The following PCDHA3 variants were observed in gnomAD, a reference collection of about 807,000 sequenced individuals.
PCDHA3 encodes the protein protocadherin alpha 3.
In PCDHA3, 41 loss-of-function variants were observed where a neutral mutation model predicts 62.2. The observed-to-expected ratio is 0.66, with a 90% confidence interval of 0.51 to 0.86. The LOEUF (loss-of-function observed/expected upper bound fraction) is 0.86, where lower values mean the gene tolerates loss of function less well. PCDHA3 is among the 40% of genes least tolerant of loss of function. The pLI is 0.00. For missense variants in PCDHA3, 1,304 were observed against 1,241.2 expected (o/e 1.05, Z -0.76); for synonymous variants, 640 against 555.4 (o/e 1.15, Z -2.14).
At chr5:140,957,398 TTTA>T (rs2095356378) in intron 1 of PCDHA3, among the ~76,000 whole-genome samples, 1 of 152,304 alleles carries the variant, frequency 6.6e-6, no homozygotes, top group South Asian at 2.1e-4. Context: ...ATTGTCCTAA[TTTA>T]TTATTATTGT....
At chr5:140,935,232 A>G (rs2090253350) in intron 1 of PCDHA3, among the ~76,000 whole-genome samples, 1 of 152,110 alleles carries the variant, frequency 6.6e-6, no homozygotes, top group African/African-American at 2.4e-5. Context: ...AGGGATGTCT[A>G]TTTTTTAAAA....
intron 3 of PCDHA3, among the ~76,000 whole-genome samples, chr5:141,004,659 G>C (rs1012907350): frequency 1.3e-5 from 2 of 152,182 alleles, no homozygotes; most frequent in Admixed American, 1.3e-4. Context: ...GGCTCTGAGG[G>C]CAACTAAAGG....
Position 140,856,334 on chromosome 5 carries a change from G to C in PCDHA3, c.2394+52743G>C, listed in dbSNP as rs1262477114. 11 of 1,598,498 alleles carry C rather than the reference G, an allele frequency of 6.9e-6. 1 individual carries two copies. The Admixed American group carries it at 1.3e-4, about 20-fold the overall frequency. On this transcript the variant is annotated intron_variant, in intron 1 of 3. Coordinates refer to ENST00000522353, the MANE Select transcript of PCDHA3 (RefSeq NM_018906.3). ...TCGGATTGACCGCGAGGAGCTGTGC[G>C]GGCGGAGCGTGGAGTGCAGCATCCA...
At chr5:140,810,005 T>G (rs1764586388) in intron 1 of PCDHA3, 1 of 155,840 alleles carries the variant, frequency 6.4e-6, no homozygotes, top group Non-Finnish European at 1.4e-5. Flanking sequence ...ACTTCCCTTA[T>G]TTTTCCTCCA....
intron 1 of PCDHA3, chr5:140,851,769 T>C: frequency 1.0e-6 from 1 of 967,128 alleles, no homozygotes; most frequent in Non-Finnish European, 1.2e-6. Flanking sequence ...ATTACCCTTA[T>C]GAATTTAGAT....
At chr5:140,966,740 C>G in intron 1 of PCDHA3, 1 of 1,422,696 alleles carries the variant, frequency 7.0e-7, no homozygotes, top group Non-Finnish European at 9.1e-7. Flanking sequence ...CGGCCCTGCC[C>G]GGCTGCCTCC....
chr5:140,976,550 CATAA>C (rs782672542), intron 1 of PCDHA3, among the ~76,000 whole-genome samples: 4 of 151,944 alleles, frequency 2.6e-5, no homozygotes, highest in South Asian at 2.1e-4. Flanking sequence ...GACCCTATCT[CATAA>C]ATAAATAAAT....
intron 3 of PCDHA3, among the ~76,000 whole-genome samples, chr5:141,002,792 A>G (rs576285489): frequency 6.6e-6 from 1 of 152,306 alleles, no homozygotes; most frequent in South Asian, 2.1e-4. Context: ...CATTTTATGG[A>G]TGAGGAAACT....
chr5:140,852,387 C>T (rs1288868596), intron 1 of PCDHA3: 3 of 184,816 alleles, frequency 1.6e-5, no homozygotes, highest in African/African-American at 4.9e-5. Context: ...AAGCAATTCT[C>T]CTGCCTCAGC....
chr5:140,857,220 A>C (rs1554149674), intron 1 of PCDHA3: 1 of 1,598,480 alleles, frequency 6.3e-7, no homozygotes, highest in Admixed American at 1.7e-5. Flanking sequence ...CTGACGCCTC[A>C]CGTTCCGTTC....
At chr5:140,882,058 C>G (rs1190027185) in intron 1 of PCDHA3, 4 of 794,854 alleles carry the variant, frequency 5.0e-6, no homozygotes, top group Non-Finnish European at 7.7e-6. Flanking sequence ...CTTACACTTA[C>G]ACGTTCATGC....
rs782219037 is a variant in PCDHA3, at chr5:140,802,992, G to A, written c.1795G>A (p.Ala599Thr). Residue 599 changes from alanine (A) to threonine (T), a missense_variant, in exon 1 of 4, where the codon GCA becomes ACA. Ala to Thr is a moderately conservative substitution (Grantham distance 58). Transcript: ENST00000522353. ...HVVAKVRAVD[A>T]DSGYNAWLSY... ...GGTAGCGAAGGTGCGCGCAGTGGAT[G>A]CAGACTCAGGCTACAACGCGTGGCT... The A allele has an allele frequency of 1.3e-5, 21 of 1,614,010 alleles. No individual in the cohort carries two copies. The highest frequency in any genetic ancestry group is 1.5e-5 in the Non-Finnish European group (18 of 1,179,924).
chr5:140,995,867 G>A (rs1355291744), intron 3 of PCDHA3, among the ~76,000 whole-genome samples: 1 of 152,152 alleles, frequency 6.6e-6, no homozygotes, highest in Non-Finnish European at 1.5e-5. Flanking sequence ...CTTAATAATT[G>A]TGCAACCTGT....
chr5:141,008,439 G>A (rs2098377388), intron 3 of PCDHA3, among the ~76,000 whole-genome samples: 1 of 152,128 alleles, frequency 6.6e-6, no homozygotes, highest in African/African-American at 2.4e-5. Context: ...TGCCCAGACA[G>A]ACCATTACCC....
rs901766941 is a variant in PCDHA3 at position 140,982,266 on chromosome 5, G to A, written c.2454-209G>A. The A allele has an allele frequency of 6.1e-5, 54 of 879,038 alleles. No homozygotes were observed. In the African/African-American group the frequency reaches 7.6e-4, roughly 12 times the overall value. The allele number at this position is 879,038 out of a possible 1,614,324, so 54.5% of individuals were successfully genotyped here. ...TAAAGATAGAACATGTGTGTTCCTG[G>A]AATAGTATAGCAGGCAATAAGTAAG... On this transcript the variant is annotated intron_variant, in intron 2 of 3. Coordinates refer to ENST00000522353, the MANE Select transcript of PCDHA3 (RefSeq NM_018906.3).
chr5:140,900,845 C>CT (rs1284280086), intron 1 of PCDHA3, among the ~76,000 whole-genome samples: 1 of 152,106 alleles, frequency 6.6e-6, no homozygotes, highest in Non-Finnish European at 1.5e-5. Context: ...CAAAGTTTCC[C>CT]TTTTTTTCAC....
intron 1 of PCDHA3, among the ~76,000 whole-genome samples, chr5:140,891,064 A>T (rs1442139760): frequency 6.6e-6 from 1 of 152,206 alleles, no homozygotes; most frequent in East Asian, 1.9e-4. Flanking sequence ...AGTAAATATT[A>T]TTCCAGTGTC....
At chr5:140,807,145 T>A (rs782616885) in intron 1 of PCDHA3, 4 of 1,574,718 alleles carry the variant, frequency 2.5e-6, no homozygotes, top group Non-Finnish European at 8.6e-7. Context: ...CCCTTGACTT[T>A]GAGAAACGAT....
At chr5:140,835,876 G>A (rs1774006119) in intron 1 of PCDHA3, 2 of 1,611,976 alleles carry the variant, frequency 1.2e-6, no homozygotes, top group East Asian at 4.5e-5. Flanking sequence ...GTGGAGCTGC[G>A]GGTGGGCGAG....
Sources: allele counts gnomAD v4.1 joint callset (sites outside exome capture counted in the v4.1 genomes callset), GRCh38; gene constraint gnomAD v4.1.1; transcripts MANE v1.5; gene names NCBI Gene and HGNC (gene_info 2026-07-23, HGNC 2026-07-21).